Variants in SPRED2 observed in about 807,000 individuals in gnomAD.
SPRED2 encodes the protein sprouty related EVH1 domain containing 2.
A neutral mutation model predicts 43.0 loss-of-function variants in SPRED2; 47 were observed. The observed-to-expected ratio is 1.09, with a 90% CI of 0.87 to 1.40. The LOEUF (loss-of-function observed/expected upper bound fraction) is 1.40. Ranked by LOEUF, SPRED2 falls within the 40% of genes most tolerant of loss-of-function variation. The pLI is 0.00. For missense variants in SPRED2, 561 were observed against 586.4 expected (o/e 0.96, Z 0.45); for synonymous variants, 225 against 225.7 (o/e 1.00, Z 0.03).
At chr2:65,385,038 T>C (rs1399189297) in intron 1 of SPRED2, among the ~76,000 whole-genome samples, 1 of 149,170 alleles carries the variant, frequency 6.7e-6, no homozygotes, top group East Asian at 2.1e-4. Flanking sequence ...AGTGGCGCCA[T>C]CTCGGCTCAC....
chr2:65,404,208 A>AG (rs1675970592), intron 1 of SPRED2, among the ~76,000 whole-genome samples: 1 of 136,236 alleles, frequency 7.3e-6, no homozygotes, highest in South Asian at 2.8e-4. Context: ...TCCGTCTCAA[A>AG]AAAAAAAAAA....
chr2:65,376,980 C>T (rs915056961), intron 1 of SPRED2, among the ~76,000 whole-genome samples: 1 of 152,202 alleles, frequency 6.6e-6, no homozygotes, highest in African/African-American at 2.4e-5. Context: ...TCCCAAAGTG[C>T]TGAGATTACA....
chr2:65,407,230 A>G lies in SPRED2; in HGVS notation c.26+24732T>C, dbSNP rs986624598. 2.2e-5 allele frequency among the ~76,000 whole-genome samples: 3 copies of G among 133,580 alleles called. No homozygotes were observed. The East Asian group carries it at 6.1e-4, about 27-fold the overall frequency. The allele number at this position is 133,580 out of a possible 152,430, so 87.6% of individuals were successfully genotyped here. On this transcript the variant is annotated intron_variant, in intron 1 of 5. Transcript: ENST00000356388. The stretch of plus-strand genomic sequence containing the variant: ...GTGTGAGCCATAGTCTCTTTCTCAA[A>G]TGGGGCGCTGGCTCCTTTTTTTTTT...
At chr2:65,401,096 T>C (rs1180680871) in intron 1 of SPRED2, among the ~76,000 whole-genome samples, 1 of 152,016 alleles carries the variant, frequency 6.6e-6, no homozygotes, top group African/African-American at 2.4e-5. Context: ...ACCTCCTGAA[T>C]AGCTGGAACT....
Position 65,311,905 on chromosome 2 carries a change from C to T in SPRED2, c.*1596G>A. 1.0e-6 allele frequency: 1 copy of T among 985,374 alleles called. No homozygotes were observed. The highest frequency in any genetic ancestry group is 1.2e-6 in the Non-Finnish European group (1 of 829,950). 61.0% of individuals were successfully genotyped at this position (985,374 alleles called of 1,614,324 possible). A position where few individuals can be genotyped will look rare whatever the true frequency, so the allele number is the denominator to read the frequency against. On this transcript the variant is annotated 3_prime_UTR_variant, in exon 6 of 6. Coordinates refer to ENST00000356388, the MANE Select transcript of SPRED2 (RefSeq NM_181784.3). ...AGTCCCTTTCCTTGAAGACTGGTGT[C>T]CTGTGTGCAATAAAGAAGGAGTGGG...
At chr2:65,353,533 C>T (rs959935560) in intron 1 of SPRED2, among the ~76,000 whole-genome samples, 1 of 152,160 alleles carries the variant, frequency 6.6e-6, no homozygotes, top group Non-Finnish European at 1.5e-5. Context: ...AGACTTGGAC[C>T]TCTAGTATTT....
intron 1 of SPRED2, among the ~76,000 whole-genome samples, chr2:65,371,949 T>C (rs1332501630): frequency 6.6e-6 from 1 of 152,100 alleles, no homozygotes; most frequent in African/African-American, 2.4e-5. Context: ...GGTGGATGCC[T>C]GTAATCCCAG....
intron 2 of SPRED2, 122 bp downstream of exon 2, chr2:65,344,597 T>G: frequency 7.5e-7 from 1 of 1,333,890 alleles, no homozygotes; most frequent in Non-Finnish European, 1.1e-6. Context: ...TTTTGAAGCT[T>G]TTGCAAGAGT....
chr2:65,405,704 C>T (rs1176312666), intron 1 of SPRED2, among the ~76,000 whole-genome samples: 3 of 152,158 alleles, frequency 2.0e-5, no homozygotes, highest in Admixed American at 1.3e-4. Context: ...TGTGATTACA[C>T]CTCATTTTAT....
intron 1 of SPRED2, among the ~76,000 whole-genome samples, chr2:65,351,741 T>C (rs1161477598): frequency 6.6e-6 from 1 of 152,214 alleles, no homozygotes; most frequent in Non-Finnish European, 1.5e-5. Flanking sequence ...CTAGTGATCT[T>C]TTTAAAAAGA....
chr2:65,419,715 C>T (rs999569303), intron 1 of SPRED2, among the ~76,000 whole-genome samples: 1 of 151,956 alleles, frequency 6.6e-6, no homozygotes, highest in Non-Finnish European at 1.5e-5. Context: ...ACAAATGTAG[C>T]TACATACTCT....
chr2:65,349,308 CAAAAAAA>C (rs59019958), intron 1 of SPRED2, among the ~76,000 whole-genome samples: 3 of 83,698 alleles, frequency 3.6e-5, no homozygotes, highest in South Asian at 5.7e-4. Flanking sequence ...GACTCTGTCT[CAAAAAAA>C]AAAAAAAAAA....
At chr2:65,320,522 G>A (rs578013858) in intron 4 of SPRED2, among the ~76,000 whole-genome samples, 1 of 152,282 alleles carries the variant, frequency 6.6e-6, no homozygotes, top group Admixed American at 6.5e-5. Flanking sequence ...ACTGAGAAAG[G>A]CCTTATCTGA....
chr2:65,372,611 A>C lies in SPRED2; in HGVS notation c.27-27715T>G, dbSNP rs145886484. 7.9e-5 allele frequency among the ~76,000 whole-genome samples: 12 copies of C among 152,232 alleles called. 1 individual carries two copies. In the East Asian group the frequency reaches 2.3e-3, roughly 29 times the overall value. On this transcript the variant is annotated intron_variant, in intron 1 of 5. Transcript: ENST00000356388. ...GCAAACAGACCAAGTCTAGATCTAG[A>C]AGTGGAATTTGAAGTTCAAGGGATT...
chr2:65,408,682 G>C (rs1187929698), intron 1 of SPRED2, among the ~76,000 whole-genome samples: 1 of 151,916 alleles, frequency 6.6e-6, no homozygotes. Context: ...CTGGGATCAA[G>C]CAATTCTTCT....
rs545722893 is a variant in SPRED2, at chr2:65,410,574, A to G, written c.26+21388T>C. Among the ~76,000 whole-genome samples the G allele has an allele frequency of 2.0e-4, 31 of 152,240 alleles. 1 individual carries two copies. The highest frequency in any genetic ancestry group is 7.0e-4 in the African/African-American group (29 of 41,534). On this transcript the variant is annotated intron_variant, in intron 1 of 5. Transcript: ENST00000356388. ...GGAGATCGAGACCATCCTGGCTAAC[A>G]TGGTGAGACCCCGTCTTTACTAAAA...
intron 4 of SPRED2, among the ~76,000 whole-genome samples, chr2:65,324,737 G>T (rs557543071): frequency 7.2e-5 from 11 of 152,254 alleles, no homozygotes; most frequent in African/African-American, 2.6e-4. Context: ...CAGGCCAGAC[G>T]AGCTGAGGAG....
At chr2:65,323,286 C>T (rs202153582) in intron 4 of SPRED2, among the ~76,000 whole-genome samples, 4 of 152,176 alleles carry the variant, frequency 2.6e-5, no homozygotes, top group Non-Finnish European at 4.4e-5. Flanking sequence ...TGAGCCACTG[C>T]ACCTGGCCCA....
intron 1 of SPRED2, among the ~76,000 whole-genome samples, chr2:65,384,248 C>T (rs1675441250): frequency 6.6e-6 from 1 of 152,102 alleles, no homozygotes. Flanking sequence ...GACTGCTGGC[C>T]TCCCTGGTCT....
Sources: gnomAD v4.1 joint callset for allele counts (sites outside exome capture counted in the v4.1 genomes callset) on GRCh38, gnomAD v4.1.1 for gene constraint, MANE v1.5 for transcripts, NCBI Gene and HGNC (gene_info 2026-07-23, HGNC 2026-07-21) for gene names.